The following SLC16A4 variants were observed in gnomAD, a reference collection of about 807,000 sequenced individuals.
SLC16A4 encodes probable monocarboxylate transporter 5.
SLC16A4 carries 39 observed loss-of-function variants against 47.9 expected under a neutral mutation model. The ratio of observed to expected loss-of-function variants is 0.81; its 90% CI spans 0.63 to 1.06. The LOEUF is 1.06. Ranked by LOEUF, SLC16A4 falls within the 50% of genes least tolerant of loss-of-function variation. SLC16A4 has a pLI of 0.00. For missense variants in SLC16A4, 524 were observed against 573.8 expected (o/e 0.91, Z 0.89); for synonymous variants, 189 against 199.9 (o/e 0.95, Z 0.46).
intron 8 of SLC16A4, among the ~76,000 whole-genome samples, chr1:110,374,052 T>C (rs1661838861): frequency 7.6e-6 from 1 of 131,630 alleles, no homozygotes; most frequent in African/African-American, 2.5e-5. Flanking sequence ...AGTCTTTTTT[T>C]GAGATGAAGT....
intron 8 of SLC16A4, among the ~76,000 whole-genome samples, chr1:110,373,979 C>G (rs1661828592): frequency 8.2e-6 from 1 of 121,900 alleles, no homozygotes; most frequent in Admixed American, 8.5e-5. Context: ...GCCAGGCCCT[C>G]TCAGTAACAA....
Position 110,363,238 on chromosome 1 carries a change from G to A in SLC16A4, c.*528C>T, listed in dbSNP as rs987093872. Reference sequence around the variant, plus strand: ...CATAAGGTACCTGATTAAAATTTTAGCCTATTTGGTTAAATACTAACAATA... The same window carrying A: ...CATAAGGTACCTGATTAAAATTTTAACCTATTTGGTTAAATACTAACAATA... On this transcript the variant is annotated 3_prime_UTR_variant, in exon 9 of 9. Transcript: ENST00000369779. 6.6e-5 allele frequency: 10 copies of A among 152,092 alleles called. No individual in the cohort carries two copies. The highest frequency in any genetic ancestry group is 2.4e-4 in the African/African-American group (10 of 41,398). The allele number at this position is 152,092 out of a possible 1,614,324, so 9.4% of individuals were successfully genotyped here.
At chr1:110,383,825 T>G (rs1269642749) in intron 2 of SLC16A4, among the ~76,000 whole-genome samples, 28 of 146,682 alleles carry the variant, frequency 1.9e-4, no homozygotes, top group Admixed American at 4.1e-4. Context: ...TTTTTTTTTT[T>G]TTTTTTTGGA....
chr1:110,377,408 T>G (rs1442294209), intron 6 of SLC16A4, among the ~76,000 whole-genome samples: 1 of 152,204 alleles, frequency 6.6e-6, no homozygotes, highest in Non-Finnish European at 1.5e-5. Context: ...TTTTTCTGAT[T>G]GTGTTTGGAA....
chr1:110,380,083 G>A (rs911939058), intron 5 of SLC16A4, among the ~76,000 whole-genome samples: 2 of 124,160 alleles, frequency 1.6e-5, no homozygotes, highest in African/African-American at 6.3e-5. Context: ...AGCAGCGGGA[G>A]GGAGGAAGGC....
intron 8 of SLC16A4, among the ~76,000 whole-genome samples, chr1:110,374,723 T>A (rs1412993650): frequency 6.6e-6 from 1 of 152,256 alleles, no homozygotes; most frequent in Non-Finnish European, 1.5e-5. Flanking sequence ...TCCCCAAATG[T>A]TTACTGTACT....
At chr1:110,375,372 C>CTTACCTTACCTTACCTTACCTT in intron 8 of SLC16A4, 86 bp downstream of exon 8, 2 of 783,966 alleles carry the variant, frequency 2.6e-6, no homozygotes, top group East Asian at 4.9e-5. Flanking sequence ...AACCTGATAC[C>CTTACCTTACCTTACCTTACCTT]ATCATTACAT....
At chr1:110,382,479 A>G in intron 3 of SLC16A4, among the ~76,000 whole-genome samples, 1 of 152,044 alleles carries the variant, frequency 6.6e-6, no homozygotes, top group Non-Finnish European at 1.5e-5. Context: ...AATAAATAAA[A>G]TTGTTTTGAA....
Position 110,379,235 on chromosome 1 carries a change from A to G in SLC16A4, c.648T>C (p.Ser216=), listed in dbSNP as rs777859914. The change falls in exon 6 of 9, where the codon TCT becomes TCC. Residue 216 remains serine, a synonymous_variant. Transcript: ENST00000369779. ...SGIKDKGSSL[S]AHGPEAHATE... is the part of the protein sequence containing the mutation. Reference sequence around the variant, plus strand: ...TTGCATGTGCCTCTGGACCATGTGCAGACAAACTGCTGCCTTTATCTTTAA... The same window carrying G: ...TTGCATGTGCCTCTGGACCATGTGCGGACAAACTGCTGCCTTTATCTTTAA... 6 of 1,614,244 alleles carry G rather than the reference A, an allele frequency of 3.7e-6. No homozygotes were observed. In the South Asian group the frequency reaches 6.6e-5, roughly 18 times the overall value.
At chr1:110,376,137 A>T (rs762431631) in intron 7 of SLC16A4, among the ~76,000 whole-genome samples, 2 of 152,114 alleles carry the variant, frequency 1.3e-5, no homozygotes, top group Non-Finnish European at 2.9e-5. Context: ...TCTGCCTCCC[A>T]AAGTGCTGGG....
chr1:110,384,899 G>C (rs1662651394), intron 2 of SLC16A4, among the ~76,000 whole-genome samples: 1 of 152,194 alleles, frequency 6.6e-6, no homozygotes, highest in East Asian at 1.9e-4. Context: ...TGTAGTCCCA[G>C]CTACCTGGGA....
chr1:110,383,132 T>A (rs768166201), intron 2 of SLC16A4, 166 bp from the exon 3 acceptor site: 88 of 519,592 alleles, frequency 1.7e-4, no homozygotes, highest in Middle Eastern at 3.8e-4. Flanking sequence ...AAGTCATTCC[T>A]TTTAAAGTAG....
At chr1:110,371,094 G>T (rs190538609) in intron 8 of SLC16A4, 1 of 152,282 alleles carries the variant, frequency 6.6e-6, no homozygotes, top group Admixed American at 6.5e-5. Context: ...GCATATAACA[G>T]TACTATGCTA....
At chr1:110,382,774 C>A (rs1001691217) in intron 3 of SLC16A4, 60 bp downstream of exon 3, 1 of 1,437,418 alleles carries the variant, frequency 7.0e-7, no homozygotes, top group Admixed American at 2.5e-5. Flanking sequence ...GAATAGGAAT[C>A]TTGGAATTGC....
At chr1:110,378,758 T>A in intron 6 of SLC16A4, 95 bp downstream of exon 6, 1 of 1,472,048 alleles carries the variant, frequency 6.8e-7, no homozygotes, top group Non-Finnish European at 9.1e-7. Flanking sequence ...CAATTCCTCT[T>A]TTGTTTTTCT....
At chr1:110,390,838 C>T (rs1056761449) in intron 1 of SLC16A4, 27 bp downstream of exon 1, 2 of 152,188 alleles carry the variant, frequency 1.3e-5, no homozygotes, top group Non-Finnish European at 2.9e-5. Flanking sequence ...AAAACCAACC[C>T]AGCACACAGT....
At chr1:110,374,334 C>T (rs1343135559) in intron 8 of SLC16A4, among the ~76,000 whole-genome samples, 1 of 152,210 alleles carries the variant, frequency 6.6e-6, no homozygotes, top group East Asian at 1.9e-4. Context: ...AGCCACTGCG[C>T]CTGGCCCCTT....
intron 8 of SLC16A4, among the ~76,000 whole-genome samples, chr1:110,368,006 T>C (rs1360987056): frequency 6.6e-6 from 1 of 152,098 alleles, no homozygotes; most frequent in African/African-American, 2.4e-5. Flanking sequence ...TTTTTTGTAT[T>C]TTTAGTAGAG....
chr1:110,381,833 A>G (rs1185499557), intron 3 of SLC16A4, 38 bp from the exon 4 acceptor site: 4 of 1,579,826 alleles, frequency 2.5e-6, no homozygotes, highest in Non-Finnish European at 1.7e-6. Context: ...TAGGTAAATA[A>G]TGATCTGGCA....
Sources: allele counts gnomAD v4.1 joint callset (sites outside exome capture counted in the v4.1 genomes callset), GRCh38; gene constraint gnomAD v4.1.1; transcripts MANE v1.5; gene names NCBI Gene and HGNC (gene_info 2026-07-23, HGNC 2026-07-21).